Variants in RHBDL3 observed in about 807,000 individuals in gnomAD.
RHBDL3 encodes the protein rhomboid-related protein 3.
In RHBDL3, 28 loss-of-function variants were observed where a neutral mutation model predicts 48.2. The ratio of observed to expected loss-of-function variants is 0.58; its 90% CI spans 0.43 to 0.80. The LOEUF (loss-of-function observed/expected upper bound fraction) is 0.80. RHBDL3 is among the 30% of genes least tolerant of loss of function. RHBDL3 has a pLI of 0.00. For missense variants in RHBDL3, 464 were observed against 542.7 expected, an observed-to-expected ratio of 0.85 and a Z score of 1.44; for synonymous variants, 208 against 232.3, an observed-to-expected ratio of 0.90 and a Z score of 0.95.
In RHBDL3 at chr17:32,321,537, G is replaced by T; in HGVS notation, c.*308G>T. On this transcript the variant is annotated 3_prime_UTR_variant, in exon 9 of 9. Coordinates refer to ENST00000269051, the MANE Select transcript of RHBDL3 (RefSeq NM_138328.3). ...CACCTGGGCTGGGCTTCTTCCATGG[G>T]GCCAGGGGGTGCCCCCTCACTGCTG... 1 of 546,062 alleles carries T rather than the reference G, an allele frequency of 1.8e-6. No individual in the cohort carries two copies. Among genetic ancestry groups the T allele is most frequent in the South Asian group, 2.0e-5 (1 of 49,684 alleles). 33.8% of individuals were successfully genotyped at this position (546,062 alleles called of 1,614,324 possible). A position where few individuals can be genotyped will look rare whatever the true frequency, so the allele number is the denominator to read the frequency against.
chr17:32,267,826 A>G (rs2039672688), intron 1 of RHBDL3, 76 bp from the exon 2 acceptor site: 2 of 1,611,932 alleles, frequency 1.2e-6, no homozygotes, highest in East Asian at 2.2e-5. Context: ...TCCGAGGACT[A>G]CAGAGACCTT....
Position 32,321,469 on chromosome 17 carries a change from C to A in RHBDL3, c.*240C>A. 2.6e-6 allele frequency: 3 copies of A among 1,172,742 alleles called. No homozygotes were observed. Among genetic ancestry groups the A allele is most frequent in the South Asian group, 1.5e-5 (1 of 67,620 alleles). The allele number at this position is 1,172,742 out of a possible 1,614,324, so 72.6% of individuals were successfully genotyped here. ...TCTCGGCTGCTCTGATGACATCGGG[C>A]CAGGGTGAAGGTCTGGGGTGGGGTG... On this transcript the variant is annotated 3_prime_UTR_variant, in exon 9 of 9. Coordinates refer to ENST00000269051, the MANE Select transcript of RHBDL3 (RefSeq NM_138328.3).
At chr17:32,266,404 G>A (rs1404947813) in intron 1 of RHBDL3, 104 bp downstream of exon 1, 4 of 553,868 alleles carry the variant, frequency 7.2e-6, no homozygotes, top group Admixed American at 4.6e-5. Context: ...TCAGGGTGAC[G>A]CGGGAGCGCC....
intron 8 of RHBDL3, among the ~76,000 whole-genome samples, chr17:32,319,180 TG>T (rs1468265781): frequency 6.6e-6 from 1 of 151,444 alleles, no homozygotes; most frequent in African/African-American, 2.4e-5. Flanking sequence ...CCCAGCACTT[TG>T]GGAGGCCGAG....
chr17:32,314,376 C>CT (rs1265720686), intron 7 of RHBDL3, among the ~76,000 whole-genome samples: 1 of 151,636 alleles, frequency 6.6e-6, no homozygotes, highest in Admixed American at 6.6e-5. Context: ...ATGGGTATCG[C>CT]TTTTTTTTAT....
chr17:32,317,037 A>G (rs2040992727), intron 8 of RHBDL3, among the ~76,000 whole-genome samples: 1 of 151,094 alleles, frequency 6.6e-6, no homozygotes, highest in East Asian at 2.0e-4. Context: ...ACGCCCAGCT[A>G]CTTTTTTGTA....
intron 7 of RHBDL3, among the ~76,000 whole-genome samples, chr17:32,315,473 C>T (rs1160513652): frequency 1.3e-5 from 2 of 152,130 alleles, no homozygotes; most frequent in African/African-American, 4.8e-5. Flanking sequence ...CCGAGTTTTC[C>T]AAGATTCTCA....
intron 6 of RHBDL3, among the ~76,000 whole-genome samples, chr17:32,304,888 C>T (rs922579084): frequency 3.3e-5 from 5 of 152,072 alleles, no homozygotes; most frequent in South Asian, 2.1e-4. Flanking sequence ...AAGGCTGAGG[C>T]AAGAGGATTG....
intron 3 of RHBDL3, 22 bp from the exon 4 acceptor site, chr17:32,288,770 C>A (rs748011634): frequency 1.3e-6 from 2 of 1,584,130 alleles, no homozygotes; most frequent in Admixed American, 3.5e-5. Context: ...CTGACCCTCT[C>A]CCCACTCCAT....
chr17:32,269,704 ACCT>A (rs1350235753), intron 2 of RHBDL3, among the ~76,000 whole-genome samples: 1 of 151,828 alleles, frequency 6.6e-6, no homozygotes, highest in African/African-American at 2.4e-5. Flanking sequence ...AGCCCTTCAC[ACCT>A]CCTGCCAGAT....
intron 7 of RHBDL3, among the ~76,000 whole-genome samples, chr17:32,307,716 A>G (rs1225007274): frequency 6.6e-6 from 1 of 152,116 alleles, no homozygotes; most frequent in East Asian, 1.9e-4. Context: ...CACACACTTC[A>G]GTTTGTTGAA....
chr17:32,281,409 G>A (rs1040821477), intron 2 of RHBDL3, among the ~76,000 whole-genome samples: 1 of 151,932 alleles, frequency 6.6e-6, no homozygotes, highest in African/African-American at 2.4e-5. Flanking sequence ...CCCAGGGCAC[G>A]CAAAGTCATT....
intron 2 of RHBDL3, among the ~76,000 whole-genome samples, chr17:32,268,980 T>G (rs891699815): frequency 1.3e-5 from 2 of 152,030 alleles, no homozygotes; most frequent in African/African-American, 4.8e-5. Flanking sequence ...ATGGAAGAAT[T>G]GGAAGATCTT....
At position 32,311,396 on chromosome 17, in the gene RHBDL3, G is replaced by A. The variant is rs1375589415; in HGVS notation, c.883-4836G>A. ...CGGGGACTCTCTAGTTTAACCCCTC[G>A]GCTGCTGGGAGGCAGGTCATATTTA... On this transcript the variant is annotated intron_variant, in intron 7 of 8. Coordinates refer to ENST00000269051, the MANE Select transcript of RHBDL3 (RefSeq NM_138328.3). 3.3e-5 allele frequency among the ~76,000 whole-genome samples: 5 copies of A among 152,204 alleles called. No homozygotes were observed. In the South Asian group the frequency reaches 8.3e-4, roughly 25 times the overall value.
chr17:32,294,152 T>C lies in RHBDL3; in HGVS notation c.520-142T>C, dbSNP rs555219285. On this transcript the variant is annotated intron_variant, in intron 4 of 8. Coordinates refer to ENST00000269051, the MANE Select transcript of RHBDL3 (RefSeq NM_138328.3). ...TCAAAAAAAAAAAAAAAAACTCAGT[T>C]GGGCCCTGGCTGTGGGGTATCCCTC... 3.1e-5 allele frequency: 18 copies of C among 587,468 alleles called. No homozygotes were observed. In the African/African-American group the frequency reaches 3.5e-4, roughly 11 times the overall value. 36.4% of individuals were successfully genotyped at this position (587,468 alleles called of 1,614,324 possible).
At chr17:32,302,380 G>A (rs2040603490) in intron 6 of RHBDL3, among the ~76,000 whole-genome samples, 2 of 151,766 alleles carry the variant, frequency 1.3e-5, no homozygotes, top group African/African-American at 4.8e-5. Flanking sequence ...TTTTTGAGAC[G>A]AAGTCTTGCT....
At chr17:32,318,335 A>AAAAAG (rs753565855) in intron 8 of RHBDL3, among the ~76,000 whole-genome samples, 5 of 141,504 alleles carry the variant, frequency 3.5e-5, no homozygotes, top group Non-Finnish European at 4.5e-5. Context: ...TAAAAAAAAA[A>AAAAAG]AAAAGAAAAG....
In RHBDL3 at chr17:32,294,343, A is replaced by C; in HGVS notation, c.569A>C (p.Gln190Pro). ...GTGTCACTAGGTCAATTTGTACTGC[A>C]GGTAACTCATCCACGTTACTTGAAG... ...NGVSLGQFVL[Q>P]VTHPRYLKNS... The change falls in exon 5 of 9, where the codon CAG becomes CCG. Residue 190 changes from glutamine (Q) to proline (P), a missense_variant. Coordinates refer to ENST00000269051, the MANE Select transcript of RHBDL3 (RefSeq NM_138328.3). The C allele has an allele frequency of 6.2e-7, 1 of 1,614,024 alleles. No homozygotes were observed. Among genetic ancestry groups the C allele is most frequent in the Non-Finnish European group, 8.5e-7 (1 of 1,179,938 alleles).
intron 2 of RHBDL3, among the ~76,000 whole-genome samples, chr17:32,270,132 C>CAGA (rs1236420974): frequency 5.7e-4 from 39 of 68,078 alleles, no homozygotes; most frequent in Admixed American, 9.6e-4. Flanking sequence ...GACCCTTTCT[C>CAGA]AAAAAAAAAA....
Sources: gnomAD v4.1 joint callset for allele counts (sites outside exome capture counted in the v4.1 genomes callset) on GRCh38, gnomAD v4.1.1 for gene constraint, MANE v1.5 for transcripts, NCBI Gene and HGNC (gene_info 2026-07-23, HGNC 2026-07-21) for gene names.